IGSF9: variants seen among roughly 807,000 people sequenced by gnomAD.
The protein encoded by IGSF9 is immunoglobulin superfamily member 9, also known as protein turtle homolog A.
In IGSF9, 87 loss-of-function variants were observed where a neutral mutation model predicts 121.7. The observed-to-expected ratio is 0.71, with a 90% confidence interval of 0.60 to 0.85. The LOEUF (loss-of-function observed/expected upper bound fraction) is 0.85, where lower values mean the gene tolerates loss of function less well. IGSF9 is among the 40% of genes least tolerant of loss of function. The pLI, the probability that IGSF9 is intolerant of heterozygous loss-of-function variation, is 0.00. For synonymous variants in IGSF9, 640 were observed against 648.4 expected (o/e 0.99, Z 0.20); for missense variants, 1,462 against 1,565.3 (o/e 0.93, Z 1.11).
Position 159,930,683 on chromosome 1 carries a change from G to T in IGSF9, c.1813+9C>A. The T allele has an allele frequency of 6.2e-7, 1 of 1,613,978 alleles. No homozygotes were observed. Among genetic ancestry groups the T allele is most frequent in the Non-Finnish European group, 8.5e-7 (1 of 1,179,920 alleles). ...TGTCTCTGCTGTTCTGGGACGAGAAGCTTCTCACCTTCCGGAGCAGACAAG... is the reference window on the plus strand; with the variant it reads ...TGTCTCTGCTGTTCTGGGACGAGAATCTTCTCACCTTCCGGAGCAGACAAG... On this transcript the variant is annotated intron_variant, in intron 14 of 20. Coordinates refer to ENST00000368094, the MANE Select transcript of IGSF9 (RefSeq NM_001135050.2).
chr1:159,931,659 G>GC lies in IGSF9; in HGVS notation c.1363-57dup. On this transcript the variant is annotated intron_variant, in intron 11 of 20. Coordinates refer to ENST00000368094, the MANE Select transcript of IGSF9 (RefSeq NM_001135050.2). This position sits in a 1 kb window ranked among gnomAD's most constrained non-coding sequence, Gnocchi z 4.8. ...CACGCAGCCACCCCTCACCAAAGGC[G>GC]CCCCTCATCTCTCCAGGCAGCTCCA... 6.3e-7 allele frequency: 1 copy of GC among 1,586,476 alleles called. No individual in the cohort carries two copies. The highest frequency in any genetic ancestry group is 8.6e-7 in the Non-Finnish European group (1 of 1,161,892).
intron 6 of IGSF9, among the ~76,000 whole-genome samples, chr1:159,936,008 G>A (rs1305326356): frequency 6.6e-6 from 1 of 152,162 alleles, no homozygotes; most frequent in African/African-American, 2.4e-5. Flanking sequence ...GAAGGATCTT[G>A]GCCAGGAATT....
In IGSF9 at chr1:159,928,786, G is replaced by A. The variant is rs1466396653; in HGVS notation, c.2602C>T (p.Arg868Trp). 1.3e-6 allele frequency: 2 copies of A among 1,483,548 alleles called. No individual in the cohort carries two copies. The highest frequency in any genetic ancestry group is 1.8e-6 in the Non-Finnish European group (2 of 1,115,124). 91.9% of individuals were successfully genotyped at this position (1,483,548 alleles called of 1,614,324 possible). ...TVAAPQERSG[R>W]EQAEPRTPAQ... Reference sequence around the variant, plus strand: ...GGAGTCCGAGGTTCTGCCTGCTCCCGGCCTGACCTTTCCTGGGGGGCCGCC... The same window carrying A: ...GGAGTCCGAGGTTCTGCCTGCTCCCAGCCTGACCTTTCCTGGGGGGCCGCC... Residue 868 changes from arginine (R) to tryptophan (W), a missense_variant, in exon 19 of 21, where the codon CGG becomes TGG. By Grantham distance (101) the Arg-to-Trp change is moderately radical (BLOSUM62 -3). Coordinates refer to ENST00000368094, the MANE Select transcript of IGSF9 (RefSeq NM_001135050.2).
rs972447838 is a variant in IGSF9 at position 159,930,426 on chromosome 1, C to T, written c.1827G>A (p.Thr609=). The T allele has an allele frequency of 7.1e-6, 11 of 1,538,970 alleles. No individual in the cohort carries two copies. In the East Asian group the frequency reaches 1.4e-4, roughly 19 times the overall value. ...VLSAPEGLPT[T]PAAPGLPPTE... ...TTGGGGGAAGCCCGGGTGCAGCTGG[C>T]GTGGTAGGAAGCCCTGCGTGGGACA... Residue 609 remains threonine, a synonymous_variant, in exon 15 of 21, where the codon ACG becomes ACA. Transcript: ENST00000368094.
chr1:159,934,885 C>A, intron 6 of IGSF9, 63 bp from the exon 7 acceptor site: 1 of 1,593,814 alleles, frequency 6.3e-7, no homozygotes, highest in South Asian at 1.1e-5. Context: ...ACCCTGAGGT[C>A]ACCTCTACAA....
At position 159,928,692 on chromosome 1, in the gene IGSF9, C is replaced by T. The variant is rs1188670266; in HGVS notation, c.2696G>A (p.Cys899Tyr). ...TGCCACAGGGCTGATGTCTTCAATG[C>T]AGAGGGGCTGGGGTGCCCCACTGGG... ...SSPSGAPQPL[C>Y]IEDISPVAPP... Residue 899 changes from cysteine (C) to tyrosine (Y), a missense_variant, in exon 19 of 21, where the codon TGC becomes TAC. Physicochemically the swap from Cys to Tyr is radical, Grantham distance 194 (BLOSUM62 -2). This residue lies in a region of IGSF9 where 808 missense variants were observed against 815.2 expected (regional missense o/e 0.99). Coordinates refer to ENST00000368094, the MANE Select transcript of IGSF9 (RefSeq NM_001135050.2). 6.8e-7 allele frequency: 1 copy of T among 1,479,202 alleles called. No homozygotes were observed. The allele number at this position is 1,479,202 out of a possible 1,614,324, so 91.6% of individuals were successfully genotyped here. A position where few individuals can be genotyped will look rare whatever the true frequency, so the allele number is the denominator to read the frequency against.
intron 1 of IGSF9, among the ~76,000 whole-genome samples, chr1:159,944,040 C>G (rs1651503610): frequency 1.3e-5 from 2 of 152,118 alleles, no homozygotes; most frequent in Admixed American, 6.5e-5. Flanking sequence ...CGCTTCTTTC[C>G]TTACTCTTGA....
intron 3 of IGSF9, among the ~76,000 whole-genome samples, chr1:159,941,807 C>G (rs1235459332): frequency 6.6e-6 from 1 of 151,718 alleles, no homozygotes; most frequent in Non-Finnish European, 1.5e-5. Context: ...CCGTTTTTTT[C>G]TCCACTGGTG....
chr1:159,935,677 C>T (rs1162197552), intron 6 of IGSF9, among the ~76,000 whole-genome samples: 2 of 152,244 alleles, frequency 1.3e-5, no homozygotes, highest in Non-Finnish European at 2.9e-5. Flanking sequence ...GTGCTAAGCA[C>T]TTTACCTGCA....
rs761090163 is a variant in IGSF9, at chr1:159,928,389, G to C, written c.2999C>G (p.Ala1000Gly). The change falls in exon 19 of 21, where the codon GCT (alanine) becomes GGT (glycine). Residue 1000 changes from alanine (A) to glycine (G), a missense_variant. By Grantham distance (60) the Ala-to-Gly change is moderately conservative. Transcript: ENST00000368094. ...ATAEPPYTAL[A>G]DWTLRERLLP... ...CAGCCGCTCCCTCAGTGTCCAGTCA[G>C]CCAGGGCTGTGTAAGGGGGCTCTGC... is the stretch of plus-strand genomic sequence containing the variant. 2.5e-6 allele frequency: 4 copies of C among 1,609,074 alleles called. No individual in the cohort carries two copies. The South Asian group carries it at 4.4e-5, about 18-fold the overall frequency.
At chr1:159,927,991 G>C in intron 19 of IGSF9, 104 bp from the exon 20 acceptor site, 1 of 1,500,834 alleles carries the variant, frequency 6.7e-7, no homozygotes, top group Non-Finnish European at 9.0e-7. Flanking sequence ...TAGGTCATGG[G>C]TTTCCCCTGA....
rs960492676 is a variant in IGSF9 at position 159,932,238 on chromosome 1, G to A, written c.1245+274C>T. Reference sequence around the variant, plus strand: ...ATTCTTCCTCCCAGAGCCCCAGAGAGGGAGGCAGCACGGTCAAGGTTAGTG... The same window carrying A: ...ATTCTTCCTCCCAGAGCCCCAGAGAAGGAGGCAGCACGGTCAAGGTTAGTG... On this transcript the variant is annotated intron_variant, in intron 10 of 20. Transcript: ENST00000368094. The surrounding 1 kb of genome is among the most constrained non-coding windows in gnomAD (Gnocchi z 4.1). The A allele has an allele frequency of 8.7e-6, 5 of 576,406 alleles. No homozygotes were observed. Among genetic ancestry groups the A allele is most frequent in the Middle Eastern group, 4.6e-4 (1 of 2,190 alleles). 35.7% of individuals were successfully genotyped at this position (576,406 alleles called of 1,614,324 possible).
chr1:159,937,578 G>C (rs570230715), intron 4 of IGSF9, 108 bp downstream of exon 4: 17 of 1,314,330 alleles, frequency 1.3e-5, no homozygotes, highest in Admixed American at 1.8e-5. Flanking sequence ...CATCAGAGCT[G>C]TTTGTGGGAT....
At position 159,943,484 on chromosome 1, in the gene IGSF9, C is replaced by A; in HGVS notation, c.-30G>T. ...CAGCTGGCCTGCTCACCCAGCCCCT[C>A]CTATCCACAGGAGCCCAGATGGAGG... is the stretch of plus-strand genomic sequence containing the variant. On this transcript the variant is annotated 5_prime_UTR_variant, in exon 2 of 21. Transcript: ENST00000368094. The A allele has an allele frequency of 6.5e-7, 1 of 1,527,954 alleles. No individual in the cohort carries two copies. The highest frequency in any genetic ancestry group is 2.4e-5 in the East Asian group (1 of 41,866). 94.6% of individuals were successfully genotyped at this position (1,527,954 alleles called of 1,614,324 possible).
intron 6 of IGSF9, 122 bp downstream of exon 6, chr1:159,936,277 T>A: frequency 2.3e-6 from 2 of 852,772 alleles, no homozygotes; most frequent in African/African-American, 3.3e-5. Flanking sequence ...CCCCCTTAGC[T>A]TCCACGGGCC....
intron 3 of IGSF9, among the ~76,000 whole-genome samples, chr1:159,941,314 C>T (rs1281334021): frequency 2.6e-5 from 4 of 152,214 alleles, no homozygotes; most frequent in South Asian, 2.1e-4. Flanking sequence ...ACTGCAGTTC[C>T]GAGTCCCCTA....
chr1:159,935,060 C>A (rs2101879115), intron 6 of IGSF9, among the ~76,000 whole-genome samples: 1 of 152,314 alleles, frequency 6.6e-6, no homozygotes, highest in South Asian at 2.1e-4. Flanking sequence ...TCCATTCATG[C>A]AGTTCCACTG....
At chr1:159,936,094 CTT>C (rs1410880026) in intron 6 of IGSF9, among the ~76,000 whole-genome samples, 2 of 152,188 alleles carry the variant, frequency 1.3e-5, no homozygotes, top group Non-Finnish European at 2.9e-5. Flanking sequence ...AGATGAGTCT[CTT>C]TATAAAGATG....
rs200431034 is a variant in IGSF9 at position 159,929,631 on chromosome 1, G to A, written c.2326+7C>T. The A allele has an allele frequency of 1.3e-6, 2 of 1,592,370 alleles. No individual in the cohort carries two copies. Among genetic ancestry groups the A allele is most frequent in the Non-Finnish European group, 1.7e-6 (2 of 1,170,774 alleles). On this transcript the variant is annotated splice_region_variant and intron_variant, in intron 17 of 20. Transcript: ENST00000368094. Reference sequence around the variant, plus strand: ...GCAGTAGCAGGGCTGAGGGTGGAGGGACTTACCTTGGCGGAGGCGCTTGCG... The same window carrying A: ...GCAGTAGCAGGGCTGAGGGTGGAGGAACTTACCTTGGCGGAGGCGCTTGCG...
Sources: allele counts gnomAD v4.1 joint callset (sites outside exome capture counted in the v4.1 genomes callset), GRCh38; gene constraint gnomAD v4.1.1; regional missense constraint gnomAD v4.1.1; non-coding constraint Gnocchi (gnomAD v3.1); transcripts MANE v1.5; gene names NCBI Gene and HGNC (gene_info 2026-07-23, HGNC 2026-07-21).